Variants in N4BP2 observed in about 807,000 individuals in gnomAD.
N4BP2 encodes the protein NEDD4 binding protein 2, also known as NEDD4-binding protein 2.
In N4BP2, 91 loss-of-function variants were observed where a neutral mutation model predicts 152.8. The ratio of observed to expected loss-of-function variants is 0.60; its 90% CI spans 0.50 to 0.71. The LOEUF is 0.71. Ranked by LOEUF, N4BP2 falls within the 30% of genes least tolerant of loss-of-function variation. The pLI is 0.00. For synonymous variants in N4BP2, 646 were observed against 705.3 expected (o/e 0.92, Z 1.33); for missense variants, 1,923 against 2,059.1 (o/e 0.93, Z 1.28).
At chr4:40,064,040 C>T (rs535109382) in intron 1 of N4BP2, among the ~76,000 whole-genome samples, 6 of 152,162 alleles carry the variant, frequency 3.9e-5, no homozygotes, top group African/African-American at 1.4e-4. Flanking sequence ...TCAAGTGATC[C>T]TCCTGCTTCA....
chr4:40,057,538 C>T (rs766519754), intron 1 of N4BP2, among the ~76,000 whole-genome samples: 1 of 152,180 alleles, frequency 6.6e-6, no homozygotes, highest in African/African-American at 2.4e-5. Context: ...GCCACTCACA[C>T]GTTCGGATTT....
intron 4 of N4BP2, among the ~76,000 whole-genome samples, chr4:40,105,563 T>A (rs1716187577): frequency 1.3e-5 from 2 of 151,686 alleles, no homozygotes. Flanking sequence ...TTTTTTTTTT[T>A]TTAAGAGACA....
At chr4:40,176,105 AAG>A in the N4BP2 span, among the ~76,000 whole-genome samples, 2 of 151,382 alleles carry the variant, frequency 1.3e-5, no homozygotes, top group African/African-American at 2.4e-5. Context: ...AAAAAAAAAA[AAG>A]AGAAAGAAAA....
In N4BP2 at chr4:40,155,810, A is replaced by C. The variant is rs1721556829; in HGVS notation, c.*1573A>C. 1 of 152,178 alleles carries C rather than the reference A, an allele frequency of 6.6e-6. No individual in the cohort carries two copies. The highest frequency in any genetic ancestry group is 2.4e-5 in the African/African-American group (1 of 41,476). The allele number at this position is 152,178 out of a possible 1,614,324, so 9.4% of individuals were successfully genotyped here. On this transcript the variant is annotated 3_prime_UTR_variant, in exon 18 of 18. Coordinates refer to ENST00000261435, the MANE Select transcript of N4BP2 (RefSeq NM_018177.6). ...AAAGAGCAGACATTTCAATGAAAAT[A>C]AAACCCCAAAACATTTTTTTTATAT...
rs1241872499 is a variant in N4BP2, at chr4:40,120,013, A to C, written c.1902A>C (p.Glu634Asp). Residue 634 changes from glutamate to aspartate, a missense_variant, in exon 9 of 18, where the codon GAA becomes GAC. Coordinates refer to ENST00000261435, the MANE Select transcript of N4BP2 (RefSeq NM_018177.6). ...SLSLKHLEFT[E>D]EKNLDVTKET... Reference sequence around the variant, plus strand: ...CTTTGAAGCATCTAGAGTTCACTGAAGAGAAGAATCTTGATGTAACCAAAG... The same window carrying C: ...CTTTGAAGCATCTAGAGTTCACTGACGAGAAGAATCTTGATGTAACCAAAG... 1.3e-6 allele frequency: 2 copies of C among 1,587,446 alleles called. No homozygotes were observed. The highest frequency in any genetic ancestry group is 2.2e-5 in the South Asian group (2 of 89,988).
At chr4:40,185,475 A>G in the N4BP2 span, among the ~76,000 whole-genome samples, 1 of 152,204 alleles carries the variant, frequency 6.6e-6, no homozygotes, top group Non-Finnish European at 1.5e-5. Context: ...TTAGAAGATT[A>G]AAAGACAAGA....
chr4:40,182,477 G>A, the N4BP2 span, among the ~76,000 whole-genome samples: 1 of 151,930 alleles, frequency 6.6e-6, no homozygotes. Context: ...TTGAGACAGG[G>A]TCTCACTTTG....
At position 40,154,192 on chromosome 4, in the gene N4BP2, G is replaced by C. The variant is rs1721416512; in HGVS notation, c.5268G>C (p.Arg1756Ser). The C allele has an allele frequency of 6.3e-7, 1 of 1,598,718 alleles. No individual in the cohort carries two copies. Among genetic ancestry groups the C allele is most frequent in the South Asian group, 1.1e-5 (1 of 89,126 alleles). ...AATAACTCTTTTCTCATTTCTGCAG[G>C]TTCTCTGAAATTAAACCAGGGTGCT... is the stretch of plus-strand genomic sequence containing the variant. Reference protein sequence around the residue: ...VIKYLISHSFRFSEIKPGCLK... With the variant: ...VIKYLISHSFSFSEIKPGCLK... Residue 1756 changes from arginine (R) to serine (S), a missense_variant and splice_region_variant, in exon 18 of 18, where the codon AGG becomes AGC. By Grantham distance (110) the Arg-to-Ser change is moderately radical. Coordinates refer to ENST00000261435, the MANE Select transcript of N4BP2 (RefSeq NM_018177.6).
At chr4:40,152,669 C>G in intron 16 of N4BP2, 111 bp from the exon 17 acceptor site, 2 of 1,223,878 alleles carry the variant, frequency 1.6e-6, no homozygotes. Context: ...GATGGCAAAC[C>G]CCAAAATCCT....
chr4:40,168,100 A>G, the N4BP2 span, among the ~76,000 whole-genome samples: 19 of 152,286 alleles, frequency 1.2e-4, no homozygotes, highest in Middle Eastern at 3.4e-3. Context: ...TTTTGAAATT[A>G]TAAGAGGAAA....
the N4BP2 span, among the ~76,000 whole-genome samples, chr4:40,177,402 G>C: frequency 6.6e-6 from 1 of 152,110 alleles, no homozygotes; most frequent in Admixed American, 6.5e-5. Context: ...GATCACCTGA[G>C]GTCAGGAGTT....
chr4:40,183,589 G>A, the N4BP2 span, among the ~76,000 whole-genome samples: 2 of 152,210 alleles, frequency 1.3e-5, 1 homozygote, highest in South Asian at 4.1e-4. Flanking sequence ...GCCCGCCTCG[G>A]CCTCCCAAAG....
At chr4:40,137,154 A>G in intron 14 of N4BP2, 72 bp downstream of exon 14, 1 of 1,176,094 alleles carries the variant, frequency 8.5e-7, no homozygotes, top group South Asian at 1.9e-5. Context: ...TTCATTGAGT[A>G]TAATAATTTA....
chr4:40,091,998 A>ATT (rs1714600404), intron 2 of N4BP2, among the ~76,000 whole-genome samples: 1 of 102,168 alleles, frequency 9.8e-6, no homozygotes, highest in African/African-American at 3.8e-5. Flanking sequence ...AAAAAAAAAA[A>ATT]AAAAAAAAAT....
the N4BP2 span, among the ~76,000 whole-genome samples, chr4:40,178,725 T>C: frequency 1.3e-5 from 2 of 152,218 alleles, no homozygotes; most frequent in African/African-American, 2.4e-5. Flanking sequence ...ACAGTTTCCT[T>C]GAGACATGCG....
chr4:40,150,363 C>G (rs1474422089), intron 16 of N4BP2, among the ~76,000 whole-genome samples: 2 of 152,122 alleles, frequency 1.3e-5, no homozygotes, highest in African/African-American at 4.8e-5. Context: ...CAGCAAAATT[C>G]AGATTGTGAA....
intron 16 of N4BP2, among the ~76,000 whole-genome samples, chr4:40,147,633 G>C (rs1446679814): frequency 2.0e-5 from 3 of 148,944 alleles, no homozygotes; most frequent in Non-Finnish European, 4.5e-5. Flanking sequence ...CCGGGCGGGG[G>C]CTGACCCCCC....
chr4:40,080,014 G>A (rs1713192670), intron 2 of N4BP2, among the ~76,000 whole-genome samples: 1 of 151,930 alleles, frequency 6.6e-6, no homozygotes, highest in Non-Finnish European at 1.5e-5. Flanking sequence ...TTTTTACATT[G>A]TTCATTTGAG....
chr4:40,106,286 GAATATTAC>G (rs1716274734), intron 4 of N4BP2, among the ~76,000 whole-genome samples: 1 of 151,986 alleles, frequency 6.6e-6, no homozygotes, highest in Non-Finnish European at 1.5e-5. Flanking sequence ...TGATTTGTTT[GAATATTAC>G]AATATGTTCT....
Sources: gnomAD v4.1 joint callset for allele counts (sites outside exome capture counted in the v4.1 genomes callset) on GRCh38, gnomAD v4.1.1 for gene constraint, MANE v1.5 for transcripts, NCBI Gene and HGNC (gene_info 2026-07-23, HGNC 2026-07-21) for gene names.